PKHD1L1: variants seen among roughly 807,000 people sequenced by gnomAD.
The protein encoded by PKHD1L1 is fibrocystin-L.
In PKHD1L1, 434 loss-of-function variants were observed where a neutral mutation model predicts 462.9. That is an observed-to-expected ratio of 0.94 (90% CI 0.87 to 1.02). The LOEUF is 1.02. Ranked by LOEUF, PKHD1L1 falls within the 50% of genes least tolerant of loss-of-function variation. The probability of loss-of-function intolerance (pLI) is 0.00; values close to 1 mark genes in which losing one functional copy is unlikely to be tolerated. For missense variants in PKHD1L1, 5,202 were observed against 5,096.1 expected, an observed-to-expected ratio of 1.02 and a Z score of -0.63; for synonymous variants, 1,781 against 1,750.0, an observed-to-expected ratio of 1.02 and a Z score of -0.44.
chr8:109,422,707 G>T (rs1465682056), intron 23 of PKHD1L1, among the ~76,000 whole-genome samples: 1 of 152,062 alleles, frequency 6.6e-6, no homozygotes, highest in Admixed American at 6.6e-5. Flanking sequence ...TGAGACATAA[G>T]TTTCCATTTT....
In PKHD1L1 at chr8:109,390,458, A is replaced by G; in HGVS notation, c.704A>G (p.His235Arg). ...TATTTTCATTAAATTCCAGGTCATCACAATGTCAGCTTCATCTTAGATAAT... is the reference window on the plus strand; with the variant it reads ...TATTTTCATTAAATTCCAGGTCATCGCAATGTCAGCTTCATCTTAGATAAT... ...CKTTGTFIGH[H>R]NVSFILDNDY... Residue 235 changes from histidine to arginine, a missense_variant, in exon 9 of 78, where the codon CAC (histidine) becomes CGC (arginine). Transcript: ENST00000378402. 1 of 1,446,536 alleles carries G rather than the reference A, an allele frequency of 6.9e-7. No individual in the cohort carries two copies. Among genetic ancestry groups the G allele is most frequent in the Non-Finnish European group, 9.3e-7 (1 of 1,076,598 alleles). The allele number at this position is 1,446,536 out of a possible 1,614,324, so 89.6% of individuals were successfully genotyped here.
At chr8:109,385,249 C>CT (rs367896512) in intron 5 of PKHD1L1, among the ~76,000 whole-genome samples, 1,704 of 140,654 alleles carry the variant, frequency 0.012, 34 homozygotes, top group African/African-American at 0.036. Context: ...GTACAGAGAT[C>CT]TTTTTTTTTT....
intron 59 of PKHD1L1, among the ~76,000 whole-genome samples, chr8:109,488,176 A>G (rs1364463613): frequency 6.6e-6 from 1 of 151,990 alleles, no homozygotes; most frequent in Non-Finnish European, 1.5e-5. Context: ...TAGGAAACAC[A>G]GGAAAAAATG....
chr8:109,393,136 G>A (rs569089569), intron 9 of PKHD1L1, among the ~76,000 whole-genome samples: 4 of 152,098 alleles, frequency 2.6e-5, no homozygotes, highest in Admixed American at 2.6e-4. Flanking sequence ...CAGCCAAAAG[G>A]CTTCTGACAT....
intron 41 of PKHD1L1, 73 bp downstream of exon 41, chr8:109,451,222 C>G: frequency 6.9e-7 from 1 of 1,445,758 alleles, no homozygotes; most frequent in East Asian, 2.5e-5. Context: ...TTCTCCTATG[C>G]CCGGACAGTG....
chr8:109,511,009 C>A, intron 71 of PKHD1L1, 75 bp downstream of exon 71: 1 of 1,478,308 alleles, frequency 6.8e-7, no homozygotes, highest in Non-Finnish European at 9.2e-7. Context: ...GCTTGTACCT[C>A]CTCCCCTGTT....
At chr8:109,441,029 T>G (rs1815757668) in intron 33 of PKHD1L1, among the ~76,000 whole-genome samples, 177 bp downstream of exon 33, 1 of 152,162 alleles carries the variant, frequency 6.6e-6, no homozygotes, top group South Asian at 2.1e-4. Context: ...TACTTTTTAT[T>G]TCAATAAATA....
intron 43 of PKHD1L1, 81 bp downstream of exon 43, chr8:109,452,955 T>A (rs77947767): frequency 0.015 from 17,293 of 1,170,664 alleles, 175 homozygotes; most frequent in Non-Finnish European, 0.017. Flanking sequence ...TCCACAATTA[T>A]GAACAAACAT....
chr8:109,368,192 A>G (rs7818553), intron 2 of PKHD1L1, among the ~76,000 whole-genome samples: 84,747 of 151,996 alleles, frequency 0.56, 23,778 homozygotes, highest in South Asian at 0.64. Context: ...AAGATGGGAG[A>G]AATAACATTT....
intron 60 of PKHD1L1, among the ~76,000 whole-genome samples, chr8:109,490,686 A>T (rs917606167): frequency 1.3e-5 from 2 of 151,776 alleles, no homozygotes; most frequent in Admixed American, 6.6e-5. Flanking sequence ...TTTATAAGTG[A>T]TAATAGGAAT....
At chr8:109,526,638 T>C (rs1322782987) in intron 76 of PKHD1L1, 146 bp from the exon 77 acceptor site, 2 of 721,826 alleles carry the variant, frequency 2.8e-6, no homozygotes, top group Non-Finnish European at 4.5e-6. Flanking sequence ...TTGTCTGTAC[T>C]TAAACTAATT....
chr8:109,489,980 T>G lies in PKHD1L1; in HGVS notation c.9909T>G (p.Phe3303Leu). ...KGNARISNVE[F>L]YHSGQEGFRD... ...ATGCAAGAATAAGTAATGTGGAATTTTATCACAGTGGTCAAGAAGGCTTCA... is the reference window on the plus strand; with the variant it reads ...ATGCAAGAATAAGTAATGTGGAATTGTATCACAGTGGTCAAGAAGGCTTCA... The change falls in exon 60 of 78, where the codon TTT becomes TTG. Residue 3303 changes from phenylalanine to leucine, a missense_variant. Transcript: ENST00000378402. 6.2e-7 allele frequency: 1 copy of G among 1,607,614 alleles called. No homozygotes were observed. Among genetic ancestry groups the G allele is most frequent in the Non-Finnish European group, 8.5e-7 (1 of 1,175,130 alleles).
Position 109,390,349 on chromosome 8 carries a change from A to T in PKHD1L1, c.698-103A>T, listed in dbSNP as rs559262146. Reference sequence around the variant, plus strand: ...ATAAAATTGGATAAATACAATTTTGATTTTGTACTTTTTCTCTGCTTTTAA... The same window carrying T: ...ATAAAATTGGATAAATACAATTTTGTTTTTGTACTTTTTCTCTGCTTTTAA... On this transcript the variant is annotated intron_variant, in intron 8 of 77. Coordinates refer to ENST00000378402, the MANE Select transcript of PKHD1L1 (RefSeq NM_177531.6). 5 of 586,288 alleles carry T rather than the reference A, an allele frequency of 8.5e-6. No homozygotes were observed. The South Asian group carries it at 2.6e-4, about 31-fold the overall frequency. The allele number at this position is 586,288 out of a possible 1,614,324, so 36.3% of individuals were successfully genotyped here. A position where few individuals can be genotyped will look rare whatever the true frequency, so the allele number is the denominator to read the frequency against.
chr8:109,427,493 G>T (rs1159862122), intron 25 of PKHD1L1, among the ~76,000 whole-genome samples: 1 of 152,084 alleles, frequency 6.6e-6, no homozygotes, highest in Non-Finnish European at 1.5e-5. Context: ...GTATGCTAAG[G>T]GGGTCCCAAA....
intron 46 of PKHD1L1, among the ~76,000 whole-genome samples, chr8:109,456,999 CA>C (rs1816862662): frequency 6.6e-6 from 1 of 152,072 alleles, no homozygotes; most frequent in Non-Finnish European, 1.5e-5. Context: ...TGTTTAATTA[CA>C]TTTTTTAGCA....
chr8:109,513,700 C>G (rs745614866), intron 71 of PKHD1L1, among the ~76,000 whole-genome samples: 12 of 152,036 alleles, frequency 7.9e-5, no homozygotes, highest in Admixed American at 3.3e-4. Flanking sequence ...AGTTCCATCC[C>G]TTCGCTCCAG....
Position 109,532,796 on chromosome 8 carries a change from CATCT to C in PKHD1L1, c.*2707_*2710del, listed in dbSNP as rs1398254723. Among the ~76,000 whole-genome samples, 4 of 152,132 alleles carry C rather than the reference CATCT, an allele frequency of 2.6e-5. No homozygotes were observed. The highest frequency in any genetic ancestry group is 6.5e-5 in the Admixed American group (1 of 15,274). ...TCATTGCAATGACTTCTAGATGGTC[CATCT>C]GTTTTTACCTTTTATCCATTTTATC... is the stretch of plus-strand genomic sequence containing the variant. On this transcript the variant is annotated 3_prime_UTR_variant, in exon 78 of 78. Coordinates refer to ENST00000378402, the MANE Select transcript of PKHD1L1 (RefSeq NM_177531.6).
chr8:109,526,645 AATTT>A, intron 76 of PKHD1L1, 135 bp from the exon 77 acceptor site: 1 of 750,088 alleles, frequency 1.3e-6, no homozygotes, highest in South Asian at 1.9e-5. Context: ...TACTTAAACT[AATTT>A]ATTTGACTCA....
Position 109,427,074 on chromosome 8 carries a change from C to A in PKHD1L1, c.2918C>A (p.Ser973Ter). ...LQSLEGMGRI[S>*]VTREGTCAGY... is the part of the protein sequence containing the mutation. ...AGTCTGGAGGGAATGGGAAGAATCT[C>A]AGTTACACGAGAGGGAACCTGTGCT... is the stretch of plus-strand genomic sequence containing the variant. Residue 973 changes from serine to a stop codon, truncating the protein, a stop_gained, in exon 25 of 78, where the codon TCA becomes TAA. Transcript: ENST00000378402. LOFTEE classifies it high-confidence loss of function. The A allele has an allele frequency of 6.2e-7, 1 of 1,613,944 alleles. No homozygotes were observed. The highest frequency in any genetic ancestry group is 1.1e-5 in the South Asian group (1 of 91,066).
Sources: gnomAD v4.1 joint callset for allele counts (sites outside exome capture counted in the v4.1 genomes callset) on GRCh38, gnomAD v4.1.1 for gene constraint, MANE v1.5 for transcripts, NCBI Gene and HGNC (gene_info 2026-07-23, HGNC 2026-07-21) for gene names.